The following CROCC2 variants were observed in gnomAD, a reference collection of about 807,000 sequenced individuals.
CROCC2 encodes ciliary rootlet coiled-coil protein 2.
Under a neutral mutation model 177.6 loss-of-function variants are expected in CROCC2, and 163 were observed. The observed-to-expected ratio is 0.92, with a 90% CI of 0.81 to 1.05. CROCC2 has a LOEUF of 1.05. CROCC2 is among the 50% of genes least tolerant of loss of function. CROCC2 has a pLI of 0.00. For missense variants in CROCC2, 1,929 were observed against 1,797.8 expected, an observed-to-expected ratio of 1.07 and a Z score of -1.32; for synonymous variants, 904 against 787.3, an observed-to-expected ratio of 1.15 and a Z score of -2.48.
At chr2:240,959,547 G>C in intron 20 of CROCC2, 103 bp downstream of exon 20, 2 of 1,400,506 alleles carry the variant, frequency 1.4e-6, no homozygotes, top group Admixed American at 5.1e-5. Context: ...GGAAAGAGAG[G>C]CTGTACCACA....
chr2:240,975,422 T>TGG (rs2059753235), intron 27 of CROCC2, among the ~76,000 whole-genome samples: 2 of 152,214 alleles, frequency 1.3e-5, no homozygotes, highest in Non-Finnish European at 2.9e-5. Context: ...AGCTCGCCAG[T>TGG]GCAGGGAGAC....
chr2:240,909,180 A>G (rs1194117315), intron 1 of CROCC2, among the ~76,000 whole-genome samples: 4 of 107,352 alleles, frequency 3.7e-5, no homozygotes, highest in Non-Finnish European at 5.6e-5. Context: ...GGTGACCTCT[A>G]CCTCCTCCAC....
At chr2:240,964,208 G>A in intron 21 of CROCC2, 2 of 573,126 alleles carry the variant, frequency 3.5e-6, no homozygotes, top group South Asian at 4.1e-5. Context: ...GTGTGACAGA[G>A]AGGGGGAGAC....
chr2:240,941,115 A>G (rs2059492415), intron 14 of CROCC2, among the ~76,000 whole-genome samples: 2 of 152,212 alleles, frequency 1.3e-5, no homozygotes, highest in African/African-American at 4.8e-5. Context: ...ACTTAGGAAT[A>G]TGCCTAACCA....
In CROCC2 at chr2:240,967,424, G is replaced by A. The variant is rs772488767; in HGVS notation, c.4226G>A (p.Arg1409His). Reference sequence around the variant, plus strand: ...TGCAGGTGTGCCCGGGCCCAGAGCCGCGTGGGGCAGCTGCAGAAAGCCCTG... The same window carrying A: ...TGCAGGTGTGCCCGGGCCCAGAGCCACGTGGGGCAGCTGCAGAAAGCCCTG... ...AECRCARAQSRVGQLQKALAE... is the reference protein window; with the variant it reads ...AECRCARAQSHVGQLQKALAE... Residue 1409 changes from arginine to histidine, a missense_variant, in exon 26 of 32, where the codon CGC (arginine) becomes CAC (histidine). Physicochemically the swap from Arg to His is conservative, Grantham distance 29. Around this residue, in one of 3 missense-constraint regions of CROCC2, gnomAD observed 388 missense variants for 352.7 expected, o/e 1.10. Coordinates refer to ENST00000690015, the MANE Select transcript of CROCC2 (RefSeq NM_001351305.2). 1.5e-5 allele frequency: 18 copies of A among 1,235,458 alleles called. No individual in the cohort carries two copies. The highest frequency in any genetic ancestry group is 1.0e-4 in the South Asian group (8 of 77,862). 76.5% of individuals were successfully genotyped at this position (1,235,458 alleles called of 1,614,324 possible). A position where few individuals can be genotyped will look rare whatever the true frequency, so the allele number is the denominator to read the frequency against.
chr2:240,962,389 T>C (rs1477511076), intron 20 of CROCC2, among the ~76,000 whole-genome samples: 1 of 152,124 alleles, frequency 6.6e-6, no homozygotes, highest in Non-Finnish European at 1.5e-5. Context: ...GTTTCTTTTA[T>C]GATGCATGGG....
chr2:240,932,757 TGG>T lies in CROCC2; in HGVS notation c.1104_1105del (p.Glu369AlafsTer218). 1 of 1,130,406 alleles carries T rather than the reference TGG, an allele frequency of 8.8e-7. No homozygotes were observed. The highest frequency in any genetic ancestry group is 1.3e-5 in the South Asian group (1 of 75,634). The allele number at this position is 1,130,406 out of a possible 1,614,324, so 70.0% of individuals were successfully genotyped here. On this transcript the variant is annotated frameshift_variant, in exon 9 of 32. Coordinates refer to ENST00000690015, the MANE Select transcript of CROCC2 (RefSeq NM_001351305.2). LOFTEE classifies it high-confidence loss of function. ...CTGGCAGGTAGCAGCATCACTGAAT[TGG>T]GGGAGCCACGGCGCCCACTGAGGAG...
rs1315883852 is a variant in CROCC2, at chr2:240,973,782, T to C, written c.4401+5520T>C. On this transcript the variant is annotated intron_variant, in intron 27 of 31. Coordinates refer to ENST00000690015, the MANE Select transcript of CROCC2 (RefSeq NM_001351305.2). The surrounding 1 kb of genome is among the most constrained non-coding windows in gnomAD (Gnocchi z 4.7). Reference sequence around the variant, plus strand: ...CATCTGTAATTCCTTTATGGTGACATAGTTTTCAGATTTATTTGTGTTAAG... The same window carrying C: ...CATCTGTAATTCCTTTATGGTGACACAGTTTTCAGATTTATTTGTGTTAAG... Among the ~76,000 whole-genome samples, 3 of 152,256 alleles carry C rather than the reference T, an allele frequency of 2.0e-5. No individual in the cohort carries two copies. In the East Asian group the frequency reaches 5.8e-4, roughly 29 times the overall value.
intron 1 of CROCC2, among the ~76,000 whole-genome samples, chr2:240,912,546 G>T (rs1216572129): frequency 6.6e-6 from 1 of 152,240 alleles, no homozygotes; most frequent in South Asian, 2.1e-4. Context: ...TCAAGGTACA[G>T]GGGGCAGGTA....
chr2:240,971,174 G>A (rs972181103), intron 27 of CROCC2, among the ~76,000 whole-genome samples: 3 of 152,296 alleles, frequency 2.0e-5, no homozygotes, highest in East Asian at 1.9e-4. Flanking sequence ...CCCTTCTGCC[G>A]ACACCCGAGG....
At chr2:240,921,589 G>A (rs74000119) in intron 3 of CROCC2, among the ~76,000 whole-genome samples, 2,165 of 152,322 alleles carry the variant, frequency 0.014, 48 homozygotes, top group African/African-American at 0.049. Flanking sequence ...GCCAGCTCCC[G>A]GGCGGCTCAG....
intron 26 of CROCC2, 152 bp downstream of exon 26, chr2:240,967,617 C>T (rs1048427491): frequency 2.0e-5 from 20 of 979,972 alleles, no homozygotes; most frequent in East Asian, 2.3e-4. Context: ...CCAGGCCTGG[C>T]GAGGCTGGGT....
Position 240,919,095 on chromosome 2 carries a change from G to A in CROCC2, c.229+219G>A, listed in dbSNP as rs149899248. ...GCCCGGGGCTGGGCAAGGTGATGGC[G>A]TGGGGGACGGTCCTGGGCCCGCGGC... is the stretch of plus-strand genomic sequence containing the variant. On this transcript the variant is annotated intron_variant, in intron 2 of 31. Transcript: ENST00000690015. Among the ~76,000 whole-genome samples, 10 of 141,944 alleles carry A rather than the reference G, an allele frequency of 7.0e-5. No individual in the cohort carries two copies. In the East Asian group the frequency reaches 8.8e-4, roughly 12 times the overall value. 93.1% of individuals were successfully genotyped at this position (141,944 alleles called of 152,430 possible). A position where few individuals can be genotyped will look rare whatever the true frequency, so the allele number is the denominator to read the frequency against.
At chr2:240,911,284 C>G (rs1391106561) in intron 1 of CROCC2, among the ~76,000 whole-genome samples, 1 of 147,550 alleles carries the variant, frequency 6.8e-6, no homozygotes, top group Non-Finnish European at 1.5e-5. Flanking sequence ...TCACCACCAT[C>G]CACGTCCACA....
chr2:240,932,646 CA>C, intron 8 of CROCC2, 55 bp from the exon 9 acceptor site: 1 of 718,672 alleles, frequency 1.4e-6, no homozygotes, highest in East Asian at 2.7e-5. Flanking sequence ...CGGTCCCCAC[CA>C]AATCATGGCC....
At chr2:240,934,167 T>C (rs1462526180) in intron 11 of CROCC2, among the ~76,000 whole-genome samples, 164 bp from the exon 12 acceptor site, 1 of 144,166 alleles carries the variant, frequency 6.9e-6, no homozygotes, top group Non-Finnish European at 1.5e-5. Flanking sequence ...AAATGAAGCC[T>C]GGAAGCGAAG....
chr2:240,991,308 C>T (rs749307031), intron 31 of CROCC2, 30 bp downstream of exon 31: 64 of 1,534,540 alleles, frequency 4.2e-5, no homozygotes, highest in Non-Finnish European at 5.5e-5. Flanking sequence ...ACCCAGCAGC[C>T]TAGCTGCCTT....
chr2:240,946,574 T>G (rs1195340553), intron 15 of CROCC2, among the ~76,000 whole-genome samples: 7 of 152,150 alleles, frequency 4.6e-5, no homozygotes, highest in African/African-American at 1.7e-4. Context: ...TGAATCCAAC[T>G]TCAGGTATGG....
At chr2:240,969,220 A>G (rs2059705369) in intron 27 of CROCC2, among the ~76,000 whole-genome samples, 1 of 152,224 alleles carries the variant, frequency 6.6e-6, no homozygotes, top group Non-Finnish European at 1.5e-5. Context: ...GCAGGTTGGC[A>G]GAAAGGCCCC....
Sources: gnomAD v4.1 joint callset for allele counts (sites outside exome capture counted in the v4.1 genomes callset) on GRCh38, gnomAD v4.1.1 for gene constraint, gnomAD v4.1.1 regional missense constraint, Gnocchi (gnomAD v3.1) non-coding constraint, MANE v1.5 for transcripts, NCBI Gene and HGNC (gene_info 2026-07-23, HGNC 2026-07-21) for gene names.